The following THRAP3 variants were observed in gnomAD, a reference collection of about 807,000 sequenced individuals.
The protein encoded by THRAP3 is thyroid hormone receptor associated protein 3, also known as thyroid hormone receptor-associated protein 3.
THRAP3 carries 16 observed loss-of-function variants against 101.0 expected under a neutral mutation model. The observed-to-expected ratio is 0.16, with a 90% CI of 0.11 to 0.24. The LOEUF is 0.24. THRAP3 is among the 10% of genes least tolerant of loss of function. THRAP3 has a pLI of 1.00. For synonymous variants in THRAP3, 407 were observed against 422.6 expected, an observed-to-expected ratio of 0.96 and a Z score of 0.45; for missense variants, 989 against 1,202.7, an observed-to-expected ratio of 0.82 and a Z score of 2.63.
chr1:36,289,011 A>G, intron 4 of THRAP3, 49 bp from the exon 5 acceptor site: 1 of 1,499,300 alleles, frequency 6.7e-7, no homozygotes, highest in Non-Finnish European at 8.9e-7. Context: ...ATTTTAGAGC[A>G]TGCTGTTAAG....
chr1:36,241,966 C>A, intron 1 of THRAP3: 1 of 167,878 alleles, frequency 6.0e-6, no homozygotes, highest in Non-Finnish European at 1.4e-5. Flanking sequence ...GATGTCTTAG[C>A]TCTTGAAGTA....
At chr1:36,260,114 C>T (rs1645425633) in intron 2 of THRAP3, among the ~76,000 whole-genome samples, 1 of 151,982 alleles carries the variant, frequency 6.6e-6, no homozygotes, top group African/African-American at 2.4e-5. Context: ...TGGTGGCAGG[C>T]ACCTGTAATC....
rs141452628 is a variant in THRAP3, at chr1:36,273,881, A to G, written c.-31-8652A>G. 3.9e-3 allele frequency among the ~76,000 whole-genome samples: 597 copies of G among 152,192 alleles called. 4 individuals carry two copies. The highest frequency in any genetic ancestry group is 0.03 in the East Asian group (156 of 5,178). On this transcript the variant is annotated intron_variant, in intron 2 of 11. Coordinates refer to ENST00000354618, the MANE Select transcript of THRAP3 (RefSeq NM_005119.4). ...CATGGCGAAACCCCATCTCTATTAAAAATAAAAAAAAATCAGCTGGGCGTG... is the reference window on the plus strand; with the variant it reads ...CATGGCGAAACCCCATCTCTATTAAGAATAAAAAAAAATCAGCTGGGCGTG...
intron 2 of THRAP3, among the ~76,000 whole-genome samples, chr1:36,276,572 TAAAGC>T (rs1645663777): frequency 7.1e-6 from 1 of 140,124 alleles, no homozygotes; most frequent in Non-Finnish European, 1.5e-5. Context: ...CAAGAAAGTG[TAAAGC>T]TGGGCATGGA....
chr1:36,244,014 C>T (rs1354583710), intron 1 of THRAP3, among the ~76,000 whole-genome samples: 9 of 138,682 alleles, frequency 6.5e-5, no homozygotes, highest in Non-Finnish European at 7.8e-5. Flanking sequence ...GCTGGCCGGG[C>T]GGGGGGCTGA....
intron 2 of THRAP3, among the ~76,000 whole-genome samples, chr1:36,275,289 CA>C (rs57081471): frequency 0.96 from 97,439 of 101,502 alleles, 46,776 homozygotes; most frequent in East Asian, 0.99. Flanking sequence ...GAGTCTGTCT[CA>C]AAAAAAAAAA....
chr1:36,225,640 C>G (rs1300596227), intron 1 of THRAP3, among the ~76,000 whole-genome samples: 1 of 151,946 alleles, frequency 6.6e-6, no homozygotes, highest in Non-Finnish European at 1.5e-5. Context: ...TCAGATGACC[C>G]TGACTTTTTT....
rs1361905560 is a variant in THRAP3 at position 36,291,679 on chromosome 1, A to G, written c.1918+133A>G. The G allele has an allele frequency of 3.3e-6, 3 of 918,036 alleles. No individual in the cohort carries two copies. In the East Asian group the frequency reaches 7.4e-5, roughly 23 times the overall value. 56.9% of individuals were successfully genotyped at this position (918,036 alleles called of 1,614,324 possible). On this transcript the variant is annotated intron_variant, in intron 6 of 11. Coordinates refer to ENST00000354618, the MANE Select transcript of THRAP3 (RefSeq NM_005119.4). ...CCTTTGAAGCTAGGGGCTGGCTTGA[A>G]GGAAATTCCATTCAAGAAGCAGTTT...
chr1:36,286,775 C>T lies in THRAP3; in HGVS notation c.545C>T (p.Ser182Phe), dbSNP rs2124598512. 1 of 1,614,202 alleles carries T rather than the reference C, an allele frequency of 6.2e-7. No homozygotes were observed. Among genetic ancestry groups the T allele is most frequent in the Non-Finnish European group, 8.5e-7 (1 of 1,180,032 alleles). Residue 182 changes from serine (S) to phenylalanine (F), a missense_variant, in exon 4 of 12, where the codon TCC (serine) becomes TTC (phenylalanine). Ser to Phe is a radical substitution (Grantham distance 155, BLOSUM62 -2). Transcript: ENST00000354618. This position sits in a 1 kb window ranked among gnomAD's most constrained non-coding sequence, Gnocchi z 5.5. ...SKRKSAKEKK[S>F]SSKDSRPSQA... The stretch of plus-strand genomic sequence containing the variant: ...CGCAAGTCTGCAAAGGAGAAAAAGT[C>T]CTCTTCTAAGGATAGCCGGCCATCT...
At chr1:36,273,419 T>G (rs1645615057) in intron 2 of THRAP3, among the ~76,000 whole-genome samples, 1 of 152,164 alleles carries the variant, frequency 6.6e-6, no homozygotes, top group African/African-American at 2.4e-5. Flanking sequence ...TAGAAGGGAA[T>G]TTCCTCAATA....
intron 4 of THRAP3, chr1:36,288,127 C>G (rs1431162127): frequency 1.2e-5 from 12 of 984,144 alleles, no homozygotes; most frequent in Non-Finnish European, 1.4e-5. Context: ...TCTGTACTTG[C>G]CTTCAGTAAG....
chr1:36,303,684 G>T, intron 11 of THRAP3, 112 bp from the exon 12 acceptor site: 1 of 1,514,046 alleles, frequency 6.6e-7, no homozygotes. Flanking sequence ...TCAAAAGGCT[G>T]GGTTAGGGCA....
At chr1:36,261,995 A>G (rs757021772) in intron 2 of THRAP3, among the ~76,000 whole-genome samples, 12 of 152,202 alleles carry the variant, frequency 7.9e-5, no homozygotes, top group Non-Finnish European at 1.6e-4. Flanking sequence ...CAATTTGAAG[A>G]TATAATCATC....
In THRAP3 at chr1:36,282,537, A is replaced by C. The variant is rs763732317; in HGVS notation, c.-27A>C. 3.1e-6 allele frequency: 5 copies of C among 1,609,322 alleles called. No homozygotes were observed. In the African/African-American group the frequency reaches 6.7e-5, roughly 22 times the overall value. On this transcript the variant is annotated 5_prime_UTR_variant, in exon 3 of 12. Transcript: ENST00000354618. The stretch of plus-strand genomic sequence containing the variant: ...TAATGCATTTTCTTACATTAGGTGT[A>C]ATTGAAAAGTGATCCTCTCTTCAGA...
At chr1:36,257,120 T>G (rs1334699926) in intron 1 of THRAP3, among the ~76,000 whole-genome samples, 1 of 152,192 alleles carries the variant, frequency 6.6e-6, no homozygotes, top group Admixed American at 6.5e-5. Context: ...TTCTTATTTT[T>G]GTCTCTTCCT....
chr1:36,271,346 G>A (rs989301722), intron 2 of THRAP3, among the ~76,000 whole-genome samples: 3 of 151,496 alleles, frequency 2.0e-5, no homozygotes, highest in South Asian at 2.1e-4. Flanking sequence ...GCAGTGATGC[G>A]ATCTCTGCTC....
chr1:36,217,082 T>C, the THRAP3 span, among the ~76,000 whole-genome samples: 1 of 152,226 alleles, frequency 6.6e-6, no homozygotes, highest in African/African-American at 2.4e-5. Flanking sequence ...CCATGGTATG[T>C]GCCCACCAAA....
At chr1:36,270,046 C>T (rs1392785942) in intron 2 of THRAP3, among the ~76,000 whole-genome samples, 1 of 152,104 alleles carries the variant, frequency 6.6e-6, no homozygotes, top group Non-Finnish European at 1.5e-5. Context: ...CTTGGGTTCC[C>T]TATACTGTTC....
intron 3 of THRAP3, among the ~76,000 whole-genome samples, chr1:36,285,240 A>G (rs1434412522): frequency 1.3e-5 from 2 of 152,226 alleles, no homozygotes; most frequent in East Asian, 3.8e-4. Context: ...TTTTTATTCT[A>G]TATGTAAAGA....
Sources: gnomAD v4.1 joint callset for allele counts (sites outside exome capture counted in the v4.1 genomes callset) on GRCh38, gnomAD v4.1.1 for gene constraint, Gnocchi (gnomAD v3.1) non-coding constraint, MANE v1.5 for transcripts, NCBI Gene and HGNC (gene_info 2026-07-23, HGNC 2026-07-21) for gene names.